Variants in LRRC4C observed in about 807,000 individuals in gnomAD.
LRRC4C encodes the protein leucine rich repeat containing 4C.
A neutral mutation model predicts 33.6 loss-of-function variants in LRRC4C; 5 were observed. The ratio of observed to expected loss-of-function variants is 0.15; its 90% CI spans 0.08 to 0.31. LRRC4C has a LOEUF of 0.31. LRRC4C is among the 10% of genes least tolerant of loss of function. LRRC4C has a pLI of 1.00. For missense variants in LRRC4C, 560 were observed against 796.7 expected (o/e 0.70, Z 3.58); for synonymous variants, 329 against 302.0 (o/e 1.09, Z -0.93).
At chr11:40,535,689 A>T (rs888929588) in intron 3 of LRRC4C, among the ~76,000 whole-genome samples, 3 of 152,202 alleles carry the variant, frequency 2.0e-5, no homozygotes, top group African/African-American at 7.2e-5. Flanking sequence ...AATCAGCATG[A>T]ACTAATTTAC....
intron 3 of LRRC4C, among the ~76,000 whole-genome samples, chr11:40,353,383 C>T (rs1018688412): frequency 1.3e-5 from 2 of 152,030 alleles, no homozygotes; most frequent in African/African-American, 4.8e-5. Context: ...GCATTTTTTA[C>T]TATATAATTT....
intron 2 of LRRC4C, among the ~76,000 whole-genome samples, chr11:40,813,519 T>C (rs1387691168): frequency 6.6e-6 from 1 of 152,154 alleles, no homozygotes; most frequent in Non-Finnish European, 1.5e-5. Context: ...CAATTCAAGA[T>C]GAGATTTGGG....
chr11:40,434,718 T>C (rs1992315), intron 3 of LRRC4C, among the ~76,000 whole-genome samples: 57,151 of 152,088 alleles, frequency 0.38, 11,429 homozygotes, highest in East Asian at 0.53. Flanking sequence ...TAGAACTCTA[T>C]AGCCAGCAGT....
intron 5 of LRRC4C, among the ~76,000 whole-genome samples, chr11:40,236,328 A>T (rs1590785780): frequency 2.0e-5 from 3 of 152,184 alleles, no homozygotes; most frequent in East Asian, 3.9e-4. Context: ...TCAAATTGTA[A>T]TATAGCCCTA....
intron 1 of LRRC4C, among the ~76,000 whole-genome samples, chr11:41,013,318 T>C (rs540048382): frequency 6.6e-6 from 1 of 152,210 alleles, no homozygotes; most frequent in Admixed American, 6.5e-5. Context: ...CGTTTTTAAT[T>C]TTGGGCATTT....
intron 1 of LRRC4C, among the ~76,000 whole-genome samples, chr11:41,034,184 G>C (rs1856894115): frequency 6.6e-6 from 1 of 151,956 alleles, no homozygotes; most frequent in Non-Finnish European, 1.5e-5. Context: ...ATAGGAACAA[G>C]TCTTTATCCT....
chr11:40,430,568 G>T (rs1950881685), intron 3 of LRRC4C, among the ~76,000 whole-genome samples: 1 of 152,138 alleles, frequency 6.6e-6, no homozygotes, highest in African/African-American at 2.4e-5. Context: ...TAAAGGAATA[G>T]AAAGCTTTGC....
intron 2 of LRRC4C, among the ~76,000 whole-genome samples, chr11:40,839,448 G>A (rs566224956): frequency 2.6e-5 from 4 of 152,252 alleles, no homozygotes; most frequent in Admixed American, 6.5e-5. Flanking sequence ...GTTTCACCAT[G>A]TTAGCCAGGC....
intron 1 of LRRC4C, among the ~76,000 whole-genome samples, chr11:41,302,525 T>A (rs1189220123): frequency 6.6e-6 from 1 of 152,234 alleles, no homozygotes; most frequent in Non-Finnish European, 1.5e-5. Flanking sequence ...AACTTTGTTT[T>A]CGAGTTTGAT....
chr11:40,874,834 G>T (rs930164559), intron 2 of LRRC4C, among the ~76,000 whole-genome samples: 3 of 152,188 alleles, frequency 2.0e-5, no homozygotes, highest in Non-Finnish European at 4.4e-5. Flanking sequence ...AATATGGACT[G>T]CTAGCAGTCT....
At chr11:41,385,296 A>G (rs1210982555) in intron 1 of LRRC4C, among the ~76,000 whole-genome samples, 1 of 151,650 alleles carries the variant, frequency 6.6e-6, no homozygotes, top group African/African-American at 2.4e-5. Context: ...CAAATACTGC[A>G]GAATATACTC....
chr11:40,915,026 C>G (rs2136305291), intron 2 of LRRC4C, among the ~76,000 whole-genome samples: 1 of 152,296 alleles, frequency 6.6e-6, no homozygotes, highest in African/African-American at 2.4e-5. Flanking sequence ...CTACAAACCA[C>G]TACTCAAAGA....
At chr11:40,549,728 A>G (rs1957062187) in intron 3 of LRRC4C, among the ~76,000 whole-genome samples, 1 of 152,184 alleles carries the variant, frequency 6.6e-6, no homozygotes. Flanking sequence ...GATGGCTTCA[A>G]CTAGTAAATT....
Position 41,210,359 on chromosome 11 carries a change from C to T in LRRC4C, c.-496+249072G>A, listed in dbSNP as rs117293119. On this transcript the variant is annotated intron_variant, in intron 1 of 6. Transcript: ENST00000528697. Reference sequence around the variant, plus strand: ...TTCTCCTGGTCTTGAATAAGTCTCGCGAGATCTGATGGTTTTACAAGGGTT... The same window carrying T: ...TTCTCCTGGTCTTGAATAAGTCTCGTGAGATCTGATGGTTTTACAAGGGTT... 4.7e-4 allele frequency among the ~76,000 whole-genome samples: 72 copies of T among 152,220 alleles called. No individual in the cohort carries two copies. In the East Asian group the frequency reaches 8.7e-3, roughly 18 times the overall value.
intron 2 of LRRC4C, among the ~76,000 whole-genome samples, chr11:40,784,010 G>T (rs768884500): frequency 6.6e-5 from 10 of 151,906 alleles, no homozygotes; most frequent in Non-Finnish European, 1.3e-4. Flanking sequence ...CTTTGTCAGA[G>T]GATTCATTCT....
In LRRC4C at chr11:40,115,021, G is replaced by A. The variant is rs755805614; in HGVS notation, c.1272C>T (p.Tyr424=). Residue 424 remains tyrosine (Y), a synonymous_variant, in exon 7 of 7, where the codon TAC becomes TAT. Coordinates refer to ENST00000528697, the MANE Select transcript of LRRC4C (RefSeq NM_001258419.2). This position sits in a 1 kb window ranked among gnomAD's most constrained non-coding sequence, Gnocchi z 6.7. ...CAACGGAATTACTCACCATACATGTGTACATGCCTGTATCTTGCACAGTTA... is the reference window on the plus strand; with the variant it reads ...CAACGGAATTACTCACCATACATGTATACATGCCTGTATCTTGCACAGTTA... ...TNVTVQDTGM[Y]TCMVSNSVGN... 5.8e-5 allele frequency: 94 copies of A among 1,614,098 alleles called. No individual in the cohort carries two copies. The highest frequency in any genetic ancestry group is 7.1e-5 in the Non-Finnish European group (84 of 1,180,048).
chr11:40,691,011 A>G (rs71484113), intron 2 of LRRC4C, among the ~76,000 whole-genome samples: 3,310 of 152,192 alleles, frequency 0.022, 45 homozygotes, highest in Non-Finnish European at 0.033. Context: ...AAAGTTCACA[A>G]CATCTACCTA....
intron 3 of LRRC4C, among the ~76,000 whole-genome samples, chr11:40,380,998 T>G (rs1217964930): frequency 6.6e-6 from 1 of 152,204 alleles, no homozygotes. Flanking sequence ...TAGCTCAATA[T>G]TACAGCGGAC....
chr11:40,167,696 T>C (rs1041000354), intron 5 of LRRC4C, among the ~76,000 whole-genome samples: 4 of 152,008 alleles, frequency 2.6e-5, no homozygotes, highest in African/African-American at 7.2e-5. Context: ...TCTTTTGATA[T>C]TGAGATTAAG....
Sources: gnomAD v4.1 joint callset for allele counts (sites outside exome capture counted in the v4.1 genomes callset) on GRCh38, gnomAD v4.1.1 for gene constraint, Gnocchi (gnomAD v3.1) non-coding constraint, MANE v1.5 for transcripts, NCBI Gene and HGNC (gene_info 2026-07-23, HGNC 2026-07-21) for gene names.